PRPSAP2: variants seen among roughly 807,000 people sequenced by gnomAD.
The protein encoded by PRPSAP2 is phosphoribosyl pyrophosphate synthase-associated protein 2.
Under a neutral mutation model 40.6 loss-of-function variants are expected in PRPSAP2, and 24 were observed. That is an observed-to-expected ratio of 0.59 (90% CI 0.43 to 0.83). The LOEUF is 0.83. PRPSAP2 is among the 40% of genes least tolerant of loss of function. The probability of loss-of-function intolerance (pLI) is 0.00; values close to 1 mark genes in which losing one functional copy is unlikely to be tolerated. For missense variants in PRPSAP2, 292 were observed against 465.6 expected (o/e 0.63, Z 3.43); for synonymous variants, 149 against 164.7 (o/e 0.90, Z 0.73).
intron 7 of PRPSAP2, among the ~76,000 whole-genome samples, chr17:18,885,811 T>C (rs2039101537): frequency 6.6e-6 from 1 of 152,196 alleles, no homozygotes; most frequent in African/African-American, 2.4e-5. Context: ...GGTCTCGAAC[T>C]CCTGACCTCA....
intron 8 of PRPSAP2, among the ~76,000 whole-genome samples, chr17:18,906,284 T>C (rs1367477728): frequency 1.3e-5 from 2 of 152,150 alleles, no homozygotes; most frequent in African/African-American, 4.8e-5. Flanking sequence ...GGTGCAATTA[T>C]AGCTCAGTGC....
At chr17:18,881,310 A>G (rs1036895621) in intron 6 of PRPSAP2, among the ~76,000 whole-genome samples, 4 of 149,932 alleles carry the variant, frequency 2.7e-5, no homozygotes, top group East Asian at 2.0e-4. Flanking sequence ...ATCTCGGCTC[A>G]CTGCAACCTC....
intron 8 of PRPSAP2, among the ~76,000 whole-genome samples, chr17:18,892,519 TC>T (rs1272535386): frequency 6.6e-6 from 1 of 151,912 alleles, no homozygotes; most frequent in Non-Finnish European, 1.5e-5. Flanking sequence ...ATTATAATCA[TC>T]CTAGTGGGTG....
At chr17:18,926,263 A>T (rs1004524250) in intron 10 of PRPSAP2, among the ~76,000 whole-genome samples, 12 of 130,796 alleles carry the variant, frequency 9.2e-5, no homozygotes, top group African/African-American at 3.3e-4. Flanking sequence ...TTATTTATTT[A>T]TTTATTTCTA....
At chr17:18,910,393 C>G (rs540144354) in intron 8 of PRPSAP2, among the ~76,000 whole-genome samples, 1 of 152,192 alleles carries the variant, frequency 6.6e-6, no homozygotes, top group East Asian at 1.9e-4. Context: ...CACCACACTT[C>G]AGTCTGGGCG....
chr17:18,895,597 CTTA>C (rs1186620703), intron 8 of PRPSAP2, among the ~76,000 whole-genome samples: 1 of 151,004 alleles, frequency 6.6e-6, no homozygotes, highest in Non-Finnish European at 1.5e-5. Flanking sequence ...TTTAAAAAAA[CTTA>C]TTACTTTATT....
At chr17:18,906,454 T>G (rs1447597895) in intron 8 of PRPSAP2, among the ~76,000 whole-genome samples, 1 of 152,154 alleles carries the variant, frequency 6.6e-6, no homozygotes, top group African/African-American at 2.4e-5. Context: ...GACCTTGCGA[T>G]CCACCCGCCT....
At chr17:18,925,883 G>A (rs1197234025) in intron 10 of PRPSAP2, among the ~76,000 whole-genome samples, 2 of 152,100 alleles carry the variant, frequency 1.3e-5, no homozygotes, top group Non-Finnish European at 2.9e-5. Context: ...AGGCCGAGAC[G>A]GGTGTAGGTC....
At chr17:18,909,559 T>C (rs2040829810) in intron 8 of PRPSAP2, among the ~76,000 whole-genome samples, 1 of 151,990 alleles carries the variant, frequency 6.6e-6, no homozygotes, top group Non-Finnish European at 1.5e-5. Context: ...GGCCTTTTTA[T>C]AAAGAGTTAA....
In PRPSAP2 at chr17:18,883,406, T is replaced by TC. The variant is rs576627439; in HGVS notation, c.528+723_528+724insC. 4.1e-4 allele frequency among the ~76,000 whole-genome samples: 62 copies of TC among 149,470 alleles called. 1 individual carries two copies. The South Asian group carries it at 0.013, about 31-fold the overall frequency. On this transcript the variant is annotated intron_variant, in intron 7 of 11. Coordinates refer to ENST00000268835, the MANE Select transcript of PRPSAP2 (RefSeq NM_002767.4). Reference sequence around the variant, plus strand: ...TTGCTTTTAGCTGTTTTTCTTTCTTTTTTTTTTTTTTTGGTGGGGGGTGTG... The same window carrying TC: ...TTGCTTTTAGCTGTTTTTCTTTCTTTCTTTTTTTTTTTTGGTGGGGGGTGTG...
In PRPSAP2 at chr17:18,927,573, G is replaced by A. The variant is rs576524887; in HGVS notation, c.805-1238G>A. ...ACATTTGGATGATTTCCAGGTTGGG[G>A]CTATTATACATAAAACTCGCTATGT... On this transcript the variant is annotated intron_variant, in intron 10 of 11. Transcript: ENST00000268835. 1.5e-3 allele frequency among the ~76,000 whole-genome samples: 221 copies of A among 152,228 alleles called. 1 individual carries two copies. Among genetic ancestry groups the A allele is most frequent in the Admixed American group, 2.6e-3 (40 of 15,282 alleles).
rs537605094 is a variant in PRPSAP2, at chr17:18,911,948, C to T, written c.733+697C>T. Among the ~76,000 whole-genome samples the T allele has an allele frequency of 5.3e-5, 8 of 151,766 alleles. No homozygotes were observed. Among genetic ancestry groups the T allele is most frequent in the Non-Finnish European group, 1.2e-4 (8 of 67,950 alleles). On this transcript the variant is annotated intron_variant, in intron 9 of 11. Transcript: ENST00000268835. The surrounding 1 kb of genome is among the most constrained non-coding windows in gnomAD (Gnocchi z 4.5). ...CTGTAATCCCAACACTTTGGGAGGCCGAGGCGGGTGAATCACCTGAGGTCA... is the reference window on the plus strand; with the variant it reads ...CTGTAATCCCAACACTTTGGGAGGCTGAGGCGGGTGAATCACCTGAGGTCA...
At chr17:18,859,588 T>C (rs1230148913) in intron 1 of PRPSAP2, 1 of 152,206 alleles carries the variant, frequency 6.6e-6, no homozygotes, top group African/African-American at 2.4e-5. Flanking sequence ...TAGGCATGAG[T>C]TAACATTGTG....
At chr17:18,878,255 T>C (rs1351100031) in intron 6 of PRPSAP2, among the ~76,000 whole-genome samples, 1 of 152,160 alleles carries the variant, frequency 6.6e-6, no homozygotes, top group East Asian at 1.9e-4. Flanking sequence ...AAGTAATGGC[T>C]GGGCACAGCA....
chr17:18,871,653 C>CTTTT (rs142523345), intron 4 of PRPSAP2, among the ~76,000 whole-genome samples: 31 of 129,850 alleles, frequency 2.4e-4, no homozygotes, highest in East Asian at 8.1e-4. Context: ...ATATAATTTT[C>CTTTT]TTTTTTTTTT....
At chr17:18,924,854 T>C (rs956868143) in intron 10 of PRPSAP2, among the ~76,000 whole-genome samples, 1 of 151,734 alleles carries the variant, frequency 6.6e-6, no homozygotes, top group Non-Finnish European at 1.5e-5. Context: ...GCACAGTGGC[T>C]CATGCCTATA....
At chr17:18,928,686 A>G in intron 10 of PRPSAP2, 125 bp from the exon 11 acceptor site, 1 of 1,313,428 alleles carries the variant, frequency 7.6e-7, no homozygotes, top group Non-Finnish European at 1.1e-6. Flanking sequence ...TGCCGTCTGC[A>G]CAAGGCCAAG....
chr17:18,878,650 C>G (rs2038481747), intron 6 of PRPSAP2, among the ~76,000 whole-genome samples: 1 of 150,760 alleles, frequency 6.6e-6, no homozygotes, highest in East Asian at 2.0e-4. Flanking sequence ...CTCCACCTCC[C>G]CGGTTCAAGC....
At chr17:18,903,860 T>C (rs186742453) in intron 8 of PRPSAP2, among the ~76,000 whole-genome samples, 1 of 152,346 alleles carries the variant, frequency 6.6e-6, no homozygotes, top group African/African-American at 2.4e-5. Flanking sequence ...TGTGTTCTAA[T>C]GTCCTGATAA....
Sources: gnomAD v4.1 joint callset for allele counts (sites outside exome capture counted in the v4.1 genomes callset) on GRCh38, gnomAD v4.1.1 for gene constraint, Gnocchi (gnomAD v3.1) non-coding constraint, MANE v1.5 for transcripts, NCBI Gene and HGNC (gene_info 2026-07-23, HGNC 2026-07-21) for gene names.